IMMP2L: variants seen among roughly 807,000 people sequenced by gnomAD.
The protein encoded by IMMP2L is mitochondrial inner membrane protease subunit 2.
In IMMP2L, 18 loss-of-function variants were observed where a neutral mutation model predicts 19.3. The ratio of observed to expected loss-of-function variants is 0.93; its 90% CI spans 0.64 to 1.38. The LOEUF (loss-of-function observed/expected upper bound fraction) is 1.38, where lower values mean the gene tolerates loss of function less well. IMMP2L is among the 40% of genes most tolerant of loss of function. The pLI is 0.00. For missense variants in IMMP2L, 233 were observed against 218.2 expected, an observed-to-expected ratio of 1.07 and a Z score of -0.43; for synonymous variants, 76 against 73.0, an observed-to-expected ratio of 1.04 and a Z score of -0.21.
rs1798262270 is a variant in IMMP2L at position 110,760,107 on chromosome 7, T to C, written c.409-96386A>G. 1.3e-5 allele frequency among the ~76,000 whole-genome samples: 2 copies of C among 152,122 alleles called. No homozygotes were observed. The highest frequency in any genetic ancestry group is 2.9e-5 in the Non-Finnish European group (2 of 68,018). ...TTGTCATCACAAAAGAAAACCGTTTTATTTTTCTAATTATTATCTACTTAT... is the reference window on the plus strand; with the variant it reads ...TTGTCATCACAAAAGAAAACCGTTTCATTTTTCTAATTATTATCTACTTAT... On this transcript the variant is annotated intron_variant, in intron 5 of 5. Coordinates refer to ENST00000405709, the MANE Select transcript of IMMP2L (RefSeq NM_032549.4). The surrounding 1 kb of genome is among the most constrained non-coding windows in gnomAD (Gnocchi z 4.2).
intron 3 of IMMP2L, among the ~76,000 whole-genome samples, chr7:111,009,190 T>C (rs1345604357): frequency 6.6e-6 from 1 of 152,110 alleles, no homozygotes; most frequent in East Asian, 1.9e-4. Context: ...TTTTCTGGCC[T>C]TATCAGATTG....
intron 5 of IMMP2L, among the ~76,000 whole-genome samples, chr7:110,669,355 G>C (rs945910507): frequency 9.2e-5 from 14 of 152,078 alleles, no homozygotes; most frequent in African/African-American, 3.4e-4. Flanking sequence ...TCATCCTGTT[G>C]TTCTATTCAG....
chr7:110,872,105 A>C (rs2129543919), intron 5 of IMMP2L, among the ~76,000 whole-genome samples: 1 of 152,210 alleles, frequency 6.6e-6, no homozygotes, highest in African/African-American at 2.4e-5. Context: ...GTTGCACTGA[A>C]TTTGAATTTG....
At chr7:110,938,043 T>C (rs1046308863) in intron 4 of IMMP2L, among the ~76,000 whole-genome samples, 1 of 152,090 alleles carries the variant, frequency 6.6e-6, no homozygotes, top group South Asian at 2.1e-4. Flanking sequence ...TCCTCACACC[T>C]TCCTCCCAGG....
At chr7:110,824,448 T>C (rs1274047449) in intron 5 of IMMP2L, among the ~76,000 whole-genome samples, 1 of 152,144 alleles carries the variant, frequency 6.6e-6, no homozygotes, top group East Asian at 1.9e-4. Flanking sequence ...GCAAAATATA[T>C]ATGAATTCCC....
intron 3 of IMMP2L, among the ~76,000 whole-genome samples, chr7:111,443,112 T>A (rs1837911196): frequency 2.0e-5 from 3 of 151,874 alleles, no homozygotes; most frequent in Admixed American, 6.6e-5. Context: ...CATAATAGCA[T>A]AGGTTGATTT....
intron 2 of IMMP2L, among the ~76,000 whole-genome samples, chr7:111,504,112 C>T (rs1003142454): frequency 6.6e-6 from 1 of 152,156 alleles, no homozygotes; most frequent in African/African-American, 2.4e-5. Context: ...TGATAAGCAA[C>T]TTCAGCAAAG....
At chr7:110,929,574 G>T (rs1815249294) in intron 4 of IMMP2L, among the ~76,000 whole-genome samples, 1 of 152,144 alleles carries the variant, frequency 6.6e-6, no homozygotes, top group Non-Finnish European at 1.5e-5. Context: ...AGCATTATTT[G>T]CAGATAATGT....
chr7:111,528,365 A>C (rs534449223), intron 1 of IMMP2L, among the ~76,000 whole-genome samples: 1 of 152,316 alleles, frequency 6.6e-6, no homozygotes, highest in Non-Finnish European at 1.5e-5. Flanking sequence ...TCTTCTTGTA[A>C]CTATGGAAGT....
At position 110,724,920 on chromosome 7, in the gene IMMP2L, T is replaced by C. The variant is rs147789060; in HGVS notation, c.409-61199A>G. ...GTGAGATGTTAAAACCTGCACGACC[T>C]TGACTAAAGTAAAAACATTTCCAAG... On this transcript the variant is annotated intron_variant, in intron 5 of 5. Transcript: ENST00000405709. Among the ~76,000 whole-genome samples the C allele has an allele frequency of 3.0e-3, 460 of 152,278 alleles. 4 individuals are homozygous for C. Among genetic ancestry groups the C allele is most frequent in the African/African-American group, 0.01 (430 of 41,556 alleles).
At chr7:111,368,660 C>CT (rs1830005897) in intron 3 of IMMP2L, among the ~76,000 whole-genome samples, 1 of 151,910 alleles carries the variant, frequency 6.6e-6, no homozygotes, top group South Asian at 2.1e-4. Flanking sequence ...TAACAAACTC[C>CT]TTTTTTGCTT....
chr7:110,954,372 TA>T (rs1818156709), intron 4 of IMMP2L, among the ~76,000 whole-genome samples: 1 of 152,114 alleles, frequency 6.6e-6, no homozygotes, highest in South Asian at 2.1e-4. Flanking sequence ...CTATAAACTT[TA>T]AAAGGGCAAG....
intron 5 of IMMP2L, among the ~76,000 whole-genome samples, chr7:110,869,208 T>G (rs1225522577): frequency 6.6e-6 from 1 of 152,022 alleles, no homozygotes; most frequent in East Asian, 1.9e-4. Context: ...CATATTTAAT[T>G]AACACACTCT....
In IMMP2L at chr7:110,863,890, C is replaced by A. The variant is rs140371276; in HGVS notation, c.408+22703G>T. ...GACCAAAGCAAGTCACACTGATAAGCCCAATATCAATGGGATGCAGACATA... is the reference window on the plus strand; with the variant it reads ...GACCAAAGCAAGTCACACTGATAAGACCAATATCAATGGGATGCAGACATA... On this transcript the variant is annotated intron_variant, in intron 5 of 5. Coordinates refer to ENST00000405709, the MANE Select transcript of IMMP2L (RefSeq NM_032549.4). Among the ~76,000 whole-genome samples the A allele has an allele frequency of 2.7e-3, 407 of 152,092 alleles. 1 individual carries two copies. Among genetic ancestry groups the A allele is most frequent in the African/African-American group, 9.4e-3 (390 of 41,516 alleles).
intron 5 of IMMP2L, among the ~76,000 whole-genome samples, chr7:110,674,557 G>A (rs144168895): frequency 1.3e-5 from 2 of 152,170 alleles, no homozygotes; most frequent in South Asian, 2.1e-4. Flanking sequence ...CGTAAGAAGA[G>A]AGAGAAATTT....
At chr7:111,491,252 TATGTTAACAGTA>T (rs1169389840) in intron 2 of IMMP2L, among the ~76,000 whole-genome samples, 1 of 152,160 alleles carries the variant, frequency 6.6e-6, no homozygotes, top group Non-Finnish European at 1.5e-5. Flanking sequence ...TCTCACTGTT[TATGTTAACAGTA>T]AGGCTTCTGG....
intron 5 of IMMP2L, among the ~76,000 whole-genome samples, chr7:110,864,471 A>G (rs10260175): frequency 1 from 152,153 of 152,188 alleles, 76,059 homozygotes; most frequent in Middle Eastern, 1. Context: ...TAAAGCAAAA[A>G]TTTGACCAAG....
chr7:111,539,810 G>A (rs1848358828), intron 1 of IMMP2L, among the ~76,000 whole-genome samples: 1 of 152,208 alleles, frequency 6.6e-6, no homozygotes, highest in African/African-American at 2.4e-5. Flanking sequence ...ATATTTCTTG[G>A]TTAGACTAAA....
intron 3 of IMMP2L, among the ~76,000 whole-genome samples, chr7:111,372,223 T>A (rs1486372653): frequency 6.6e-6 from 1 of 151,924 alleles, no homozygotes; most frequent in Non-Finnish European, 1.5e-5. Flanking sequence ...CATACCCGTA[T>A]CAAAACATCT....
Sources: allele counts gnomAD v4.1 joint callset (sites outside exome capture counted in the v4.1 genomes callset), GRCh38; gene constraint gnomAD v4.1.1; non-coding constraint Gnocchi (gnomAD v3.1); transcripts MANE v1.5; gene names NCBI Gene and HGNC (gene_info 2026-07-23, HGNC 2026-07-21).